The following ZBTB17 variants were observed in gnomAD, a reference collection of about 807,000 sequenced individuals.
ZBTB17 encodes the protein zinc finger and BTB domain-containing protein 17.
In ZBTB17, 24 loss-of-function variants were observed where a neutral mutation model predicts 85.1. The observed-to-expected ratio is 0.28, with a 90% CI of 0.20 to 0.40. ZBTB17 has a LOEUF of 0.40. Ranked by LOEUF, ZBTB17 falls within the 10% of genes least tolerant of loss-of-function variation. ZBTB17 has a pLI of 1.00. For missense variants in ZBTB17, 743 were observed against 1,105.1 expected (o/e 0.67, Z 4.65); for synonymous variants, 464 against 460.2 (o/e 1.01, Z -0.11).
Position 15,948,418 on chromosome 1 carries a change from G to A in ZBTB17, c.78C>T (p.Cys26=), listed in dbSNP as rs2148769055. Residue 26 remains cysteine (C), a synonymous_variant, in exon 3 of 16, where the codon TGC becomes TGT. Coordinates refer to ENST00000375743, the MANE Select transcript of ZBTB17 (RefSeq NM_003443.3). ...QQRQLGLLCD[C]TFVVDGVHFK... Reference sequence around the variant, plus strand: ...AGTGAACACCGTCCACCACAAAGGTGCAGTCACAGAGAAGCCCCAGCTGCC... The same window carrying A: ...AGTGAACACCGTCCACCACAAAGGTACAGTCACAGAGAAGCCCCAGCTGCC... The A allele has an allele frequency of 2.5e-6, 4 of 1,614,054 alleles. No individual in the cohort carries two copies. In the South Asian group the frequency reaches 3.3e-5, roughly 13 times the overall value.
chr1:15,946,923 C>A lies in ZBTB17; in HGVS notation c.394+12G>T. 1 of 1,601,258 alleles carries A rather than the reference C, an allele frequency of 6.2e-7. No individual in the cohort carries two copies. The highest frequency in any genetic ancestry group is 1.3e-5 in the African/African-American group (1 of 74,852). ...CTGGCCATCTGCTTGGGAGCAGCTG[C>A]CAATAACCTACCTTCTGTGGCCAAG... On this transcript the variant is annotated intron_variant, in intron 4 of 15. Coordinates refer to ENST00000375743, the MANE Select transcript of ZBTB17 (RefSeq NM_003443.3).
In ZBTB17 at chr1:15,944,913, AGGGC is replaced by A; in HGVS notation, c.927+20_927+23del. ...CCGGAGGGGAGGGACGCTGGCTGGG[AGGGC>A]TGGCCATAGTCTCCCTCACCTCGCA... On this transcript the variant is annotated intron_variant, in intron 7 of 15. Coordinates refer to ENST00000375743, the MANE Select transcript of ZBTB17 (RefSeq NM_003443.3). 1 of 1,562,556 alleles carries A rather than the reference AGGGC, an allele frequency of 6.4e-7. No individual in the cohort carries two copies. Among genetic ancestry groups the A allele is most frequent in the Non-Finnish European group, 8.7e-7 (1 of 1,154,756 alleles).
At chr1:15,975,560 G>A (rs9729433) in intron 1 of ZBTB17, among the ~76,000 whole-genome samples, 10,466 of 152,282 alleles carry the variant, frequency 0.069, 415 homozygotes, top group Non-Finnish European at 0.082. Context: ...TCCTAGGCCC[G>A]GGCAGCCCCG....
rs2071634872 is a variant in ZBTB17 at position 15,946,966 on chromosome 1, A to G, written c.363T>C (p.Pro121=). 2.5e-6 allele frequency: 4 copies of G among 1,613,500 alleles called. No individual in the cohort carries two copies. Among genetic ancestry groups the G allele is most frequent in the Non-Finnish European group, 3.4e-6 (4 of 1,179,504 alleles). Residue 121 remains proline (P), a synonymous_variant, in exon 4 of 16, where the codon CCT becomes CCC. Transcript: ENST00000375743. The part of the protein sequence containing the change: ...LKSLAEPATS[P]GGNAEALATE... Reference sequence around the variant, plus strand: ...TGGCCAAGGCCTCCGCATTTCCCCCAGGGCTGGTAGCCGGCTCAGCAAGTG... The same window carrying G: ...TGGCCAAGGCCTCCGCATTTCCCCCGGGGCTGGTAGCCGGCTCAGCAAGTG...
chr1:15,942,129 G>A lies in ZBTB17; in HGVS notation c.2252C>T (p.Ala751Val), dbSNP rs772879780. The change falls in exon 16 of 16, where the codon GCG becomes GTG. Residue 751 changes from alanine to valine, a missense_variant. Transcript: ENST00000375743. ...AQALVMFQTDADFYQQYGPGG... is the reference protein window; with the variant it reads ...AQALVMFQTDVDFYQQYGPGG... ...TGGCCCATACTGCTGATAGAAGTCC[G>A]CGTCTGTCTGGAACATGACCAGTGC... is the stretch of plus-strand genomic sequence containing the variant. 3.1e-6 allele frequency: 5 copies of A among 1,613,382 alleles called. No homozygotes were observed. Among genetic ancestry groups the A allele is most frequent in the African/African-American group, 2.7e-5 (2 of 74,936 alleles).
At chr1:15,968,795 G>C (rs2072535578) in intron 2 of ZBTB17, among the ~76,000 whole-genome samples, 1 of 152,238 alleles carries the variant, frequency 6.6e-6, no homozygotes, top group African/African-American at 2.4e-5. Flanking sequence ...CACAGGGCAG[G>C]ATGGCAACCT....
chr1:15,952,869 G>A lies in ZBTB17; in HGVS notation c.-2-4372C>T, dbSNP rs761445814. 3.9e-5 allele frequency: 6 copies of A among 152,404 alleles called. No individual in the cohort carries two copies. The highest frequency in any genetic ancestry group is 4.8e-5 in the African/African-American group (2 of 41,458). 9.4% of individuals were successfully genotyped at this position (152,404 alleles called of 1,614,324 possible). ...TCAACCAACACCTCGGGGAGCAAGC[G>A]ACTGCCTGTCCACCCATCCAACTAA... On this transcript the variant is annotated intron_variant, in intron 2 of 15. Coordinates refer to ENST00000375743, the MANE Select transcript of ZBTB17 (RefSeq NM_003443.3). The surrounding 1 kb of genome is among the most constrained non-coding windows in gnomAD (Gnocchi z 4.3).
intron 2 of ZBTB17, among the ~76,000 whole-genome samples, 180 bp downstream of exon 2, chr1:15,972,859 C>G (rs2072734836): frequency 1.3e-5 from 2 of 152,168 alleles, no homozygotes; most frequent in African/African-American, 4.8e-5. Flanking sequence ...CCTCTCTCTG[C>G]AGGTAAAACA....
rs370090086 is a variant in ZBTB17, at chr1:15,945,859, G to C, written c.536-19C>G. ...TCTGCACCTGGGTGGGGGAAGCACCGGAGGCTGGATTGCTACCCTCTGCCC... is the reference window on the plus strand; with the variant it reads ...TCTGCACCTGGGTGGGGGAAGCACCCGAGGCTGGATTGCTACCCTCTGCCC... On this transcript the variant is annotated intron_variant, in intron 5 of 15. Coordinates refer to ENST00000375743, the MANE Select transcript of ZBTB17 (RefSeq NM_003443.3). The C allele has an allele frequency of 1.4e-5, 22 of 1,583,868 alleles. No individual in the cohort carries two copies. Among genetic ancestry groups the C allele is most frequent in the Non-Finnish European group, 1.8e-5 (21 of 1,169,310 alleles).
Position 15,975,395 on chromosome 1 carries a change from C to T in ZBTB17, c.-90+588G>A, listed in dbSNP as rs570847443. Among the ~76,000 whole-genome samples, 7 of 152,354 alleles carry T rather than the reference C, an allele frequency of 4.6e-5. No individual in the cohort carries two copies. The South Asian group carries it at 1.4e-3, about 32-fold the overall frequency. On this transcript the variant is annotated intron_variant, in intron 1 of 15. Coordinates refer to ENST00000375743, the MANE Select transcript of ZBTB17 (RefSeq NM_003443.3). The stretch of plus-strand genomic sequence containing the variant: ...CTGCTGGGCTCCACGGTTCACACTC[C>T]TAACTCCAGGATCGAGGATCCTGGA...
intron 2 of ZBTB17, among the ~76,000 whole-genome samples, chr1:15,959,022 T>C (rs1171106292): frequency 6.6e-6 from 1 of 151,946 alleles, no homozygotes; most frequent in Non-Finnish European, 1.5e-5. Context: ...ATAGGAAAAA[T>C]GGGATGATGT....
chr1:15,971,982 C>G lies in ZBTB17; in HGVS notation c.-3+1057G>C, dbSNP rs372577775. ...CGGGAGGGCAGATTCACACCTGACC[C>G]CAGAGTCCTAGCTGCCTCTACCTGT... On this transcript the variant is annotated intron_variant, in intron 2 of 15. Coordinates refer to ENST00000375743, the MANE Select transcript of ZBTB17 (RefSeq NM_003443.3). Among the ~76,000 whole-genome samples the G allele has an allele frequency of 3.3e-5, 5 of 152,134 alleles. No individual in the cohort carries two copies. The South Asian group carries it at 1.0e-3, about 32-fold the overall frequency.
chr1:15,975,652 C>T (rs1230626349), intron 1 of ZBTB17, among the ~76,000 whole-genome samples: 3 of 152,258 alleles, frequency 2.0e-5, no homozygotes, highest in Non-Finnish European at 4.4e-5. Flanking sequence ...CCCTCGACAG[C>T]GCGCGGGGTC....
intron 1 of ZBTB17, among the ~76,000 whole-genome samples, chr1:15,975,640 C>T (rs1332301607): frequency 2.6e-5 from 4 of 152,184 alleles, no homozygotes; most frequent in Admixed American, 2.6e-4. Flanking sequence ...GCAGAACGCC[C>T]ACCCTCGACA....
rs556995561 is a variant in ZBTB17 at position 15,951,742 on chromosome 1, C to T, written c.-2-3245G>A. On this transcript the variant is annotated intron_variant, in intron 2 of 15. Transcript: ENST00000375743. This position sits in a 1 kb window ranked among gnomAD's most constrained non-coding sequence, Gnocchi z 4.1. ...AGTTCCCCTCTTATCTATTCCTCAG[C>T]GACAGGAACCCAGCAGGACGGCCAG... Among the ~76,000 whole-genome samples the T allele has an allele frequency of 1.0e-3, 159 of 152,238 alleles. 2 individuals carry two copies. Among genetic ancestry groups the T allele is most frequent in the South Asian group, 3.9e-3 (19 of 4,826 alleles).
chr1:15,967,270 G>C (rs2072476329), intron 2 of ZBTB17, among the ~76,000 whole-genome samples: 1 of 151,682 alleles, frequency 6.6e-6, no homozygotes, highest in Admixed American at 6.6e-5. Flanking sequence ...CAGCTACTTG[G>C]GGGGCTGAGT....
intron 2 of ZBTB17, among the ~76,000 whole-genome samples, chr1:15,961,865 T>TG (rs1282787829): frequency 3.3e-5 from 5 of 152,090 alleles, no homozygotes; most frequent in East Asian, 3.9e-4. Context: ...CGACATGGGG[T>TG]GGGGGTCCCA....
chr1:15,947,810 A>T (rs919952835), intron 3 of ZBTB17, among the ~76,000 whole-genome samples: 43 of 152,308 alleles, frequency 2.8e-4, no homozygotes, highest in African/African-American at 9.1e-4. Context: ...ATACCTTCTC[A>T]TGGCATGTCA....
rs2071886901 is a variant in ZBTB17 at position 15,952,279 on chromosome 1, C to A, written c.-2-3782G>T. On this transcript the variant is annotated intron_variant, in intron 2 of 15. Coordinates refer to ENST00000375743, the MANE Select transcript of ZBTB17 (RefSeq NM_003443.3). This position sits in a 1 kb window ranked among gnomAD's most constrained non-coding sequence, Gnocchi z 4.3. ...TTCTCCCTCACCTCAGGTGTCAGAG[C>A]TGGGATGCTGTCCTGATGACCAAAA... Among the ~76,000 whole-genome samples the A allele has an allele frequency of 6.6e-6, 1 of 152,204 alleles. No individual in the cohort carries two copies. The highest frequency in any genetic ancestry group is 2.1e-4 in the South Asian group (1 of 4,836).
Sources: allele counts gnomAD v4.1 joint callset (sites outside exome capture counted in the v4.1 genomes callset), GRCh38; gene constraint gnomAD v4.1.1; non-coding constraint Gnocchi (gnomAD v3.1); transcripts MANE v1.5; gene names NCBI Gene and HGNC (gene_info 2026-07-23, HGNC 2026-07-21).